ZNF536: variants seen among roughly 807,000 people sequenced by gnomAD.
ZNF536 encodes zinc finger protein 536.
Under a neutral mutation model 84.5 loss-of-function variants are expected in ZNF536, and 13 were observed. That is an observed-to-expected ratio of 0.15 (90% confidence interval 0.10 to 0.24). ZNF536 has a LOEUF of 0.24. Among genes scored for constraint, ZNF536 ranks in the 10% least tolerant of loss-of-function variants. ZNF536 has a pLI of 1.00. For missense variants in ZNF536, 1,536 were observed against 1,747.5 expected (o/e 0.88, Z 2.16); for synonymous variants, 811 against 742.5 (o/e 1.09, Z -1.50).
chr19:30,666,674 C>A (rs2050332161), intron 1 of ZNF536, among the ~76,000 whole-genome samples: 2 of 151,906 alleles, frequency 1.3e-5, no homozygotes, highest in Non-Finnish European at 2.9e-5. Context: ...CCTCGCGGAT[C>A]TAGTTTCCCT....
intron 1 of ZNF536, among the ~76,000 whole-genome samples, chr19:30,264,362 C>T (rs1025682189): frequency 9.2e-4 from 126 of 137,034 alleles, no homozygotes; most frequent in African/African-American, 3.0e-3. Flanking sequence ...CTCCCCTGAT[C>T]CCCCCAGGCC....
intron 1 of ZNF536, among the ~76,000 whole-genome samples, chr19:30,670,477 C>T (rs1367316158): frequency 6.6e-6 from 1 of 152,212 alleles, no homozygotes; most frequent in Non-Finnish European, 1.5e-5. Context: ...GTGGGATGCC[C>T]GGCCCATGGC....
At chr19:30,585,988 ATCAG>A (rs1181787693) in intron 1 of ZNF536, among the ~76,000 whole-genome samples, 1 of 152,220 alleles carries the variant, frequency 6.6e-6, no homozygotes, top group African/African-American at 2.4e-5. Context: ...GCTCATACGT[ATCAG>A]TCAATCAGAC....
intron 1 of ZNF536, among the ~76,000 whole-genome samples, chr19:30,258,696 T>C (rs1423685168): frequency 5.5e-5 from 1 of 18,210 alleles, no homozygotes; most frequent in Non-Finnish European, 9.2e-5. Context: ...ATTTTTTAAA[T>C]ATTTATTTAT....
At chr19:30,664,811 G>A (rs567503146) in intron 1 of ZNF536, among the ~76,000 whole-genome samples, 4 of 152,282 alleles carry the variant, frequency 2.6e-5, no homozygotes, top group South Asian at 4.2e-4. Context: ...CTCTGATCCC[G>A]CATGTACTCT....
intron 1 of ZNF536, among the ~76,000 whole-genome samples, chr19:30,687,139 G>C (rs987123766): frequency 3.9e-5 from 6 of 152,170 alleles, no homozygotes; most frequent in African/African-American, 1.4e-4. Context: ...AGCCCGGCCG[G>C]GCAGACGCGG....
intron 1 of ZNF536, among the ~76,000 whole-genome samples, chr19:30,586,732 G>A (rs2047109448): frequency 6.6e-6 from 1 of 152,172 alleles, no homozygotes; most frequent in Non-Finnish European, 1.5e-5. Flanking sequence ...TGTGTGGATG[G>A]AGAGTACCAT....
chr19:30,624,516 A>G (rs2048604828), intron 1 of ZNF536, among the ~76,000 whole-genome samples: 1 of 152,234 alleles, frequency 6.6e-6, no homozygotes, highest in Non-Finnish European at 1.5e-5. Flanking sequence ...ATTCTGAGCT[A>G]CCATCACCTA....
chr19:30,530,814 T>C (rs1223069562), intron 2 of ZNF536, among the ~76,000 whole-genome samples: 2 of 152,236 alleles, frequency 1.3e-5, no homozygotes, highest in Non-Finnish European at 2.9e-5. Flanking sequence ...AGTGCTTTTA[T>C]ACTCGGGGTA....
At chr19:30,592,552 C>G (rs1834444300) in intron 1 of ZNF536, among the ~76,000 whole-genome samples, 1 of 152,072 alleles carries the variant, frequency 6.6e-6, no homozygotes, top group African/African-American at 2.4e-5. Flanking sequence ...AGCAGCACAC[C>G]CGGGCTCAGC....
intron 1 of ZNF536, among the ~76,000 whole-genome samples, chr19:30,426,823 G>A (rs2051235481): frequency 6.6e-6 from 1 of 152,178 alleles, no homozygotes; most frequent in South Asian, 2.1e-4. Context: ...GTCTTTCATA[G>A]CTTCTGAACC....
chr19:30,704,677 G>C (rs931742704), intron 1 of ZNF536, among the ~76,000 whole-genome samples: 1 of 143,926 alleles, frequency 6.9e-6, no homozygotes, highest in Non-Finnish European at 1.5e-5. Context: ...AAAAGAGATA[G>C]ATGGAAGTGA....
chr19:30,614,975 T>C (rs1223266361), intron 1 of ZNF536, among the ~76,000 whole-genome samples: 5 of 102,944 alleles, frequency 4.9e-5, no homozygotes, highest in Admixed American at 1.0e-4. Context: ...GAGGCGGAGT[T>C]TCGCTCTGTC....
intron 2 of ZNF536, chr19:30,284,152 T>C (rs1045613714): frequency 1.3e-5 from 2 of 152,206 alleles, no homozygotes; most frequent in Non-Finnish European, 2.9e-5. Context: ...GTAAGGACCA[T>C]CGATTTGTAG....
chr19:30,543,314 C>T (rs1215199209), intron 3 of ZNF536, among the ~76,000 whole-genome samples: 3 of 152,238 alleles, frequency 2.0e-5, no homozygotes, highest in Non-Finnish European at 2.9e-5. Context: ...GACTCTTGAC[C>T]CCCTGGAAAC....
In ZNF536 at chr19:30,548,386, G is replaced by A. The variant is rs140654011; in HGVS notation, c.2767G>A (p.Asp923Asn). Residue 923 changes from aspartate to asparagine, a missense_variant, in exon 4 of 5, where the codon GAC becomes AAC. Coordinates refer to ENST00000355537, the MANE Select transcript of ZNF536 (RefSeq NM_014717.3). The stretch of plus-strand genomic sequence containing the variant: ...CCAAGGGTCCTTGCAAGCTTTCATG[G>A]ACAGTTTTGTCCTCAGTTCCTTGAA... ...NFQGSLQAFMDSFVLSSLKKE... is the reference protein window; with the variant it reads ...NFQGSLQAFMNSFVLSSLKKE... 2.5e-6 allele frequency: 4 copies of A among 1,614,074 alleles called. No homozygotes were observed. The highest frequency in any genetic ancestry group is 3.4e-6 in the Non-Finnish European group (4 of 1,180,026).
At chr19:30,259,638 C>G (rs1243433934) in intron 1 of ZNF536, among the ~76,000 whole-genome samples, 1 of 152,196 alleles carries the variant, frequency 6.6e-6, no homozygotes, top group Non-Finnish European at 1.5e-5. Context: ...CAGAACTTTC[C>G]ATCATCTCCT....
chr19:30,385,847 TG>T (rs1407799929), intron 1 of ZNF536, among the ~76,000 whole-genome samples: 4 of 152,178 alleles, frequency 2.6e-5, no homozygotes, highest in African/African-American at 4.8e-5. Context: ...GATGCTGCTT[TG>T]GGTCCCCAGC....
At chr19:30,698,887 T>C (rs937689245) in intron 1 of ZNF536, among the ~76,000 whole-genome samples, 1 of 152,210 alleles carries the variant, frequency 6.6e-6, no homozygotes, top group Non-Finnish European at 1.5e-5. Context: ...AGCTACAAAA[T>C]TATTTGGAAT....
Sources: gnomAD v4.1 joint callset for allele counts (sites outside exome capture counted in the v4.1 genomes callset) on GRCh38, gnomAD v4.1.1 for gene constraint, MANE v1.5 for transcripts, NCBI Gene and HGNC (gene_info 2026-07-23, HGNC 2026-07-21) for gene names.